UNC5B: variants seen among roughly 807,000 people sequenced by gnomAD.
UNC5B encodes the protein unc-5 netrin receptor B.
Under a neutral mutation model 103.7 loss-of-function variants are expected in UNC5B, and 56 were observed. The observed-to-expected ratio is 0.54, with a 90% CI of 0.44 to 0.67. UNC5B has a LOEUF of 0.67. UNC5B is among the 30% of genes least tolerant of loss of function. UNC5B has a pLI of 0.00. For missense variants in UNC5B, 1,194 were observed against 1,284.5 expected (o/e 0.93, Z 1.08); for synonymous variants, 577 against 542.0 (o/e 1.06, Z -0.90).
rs777056945 is a variant in UNC5B, at chr10:71,295,899, G to A, written c.2264G>A (p.Arg755His). Residue 755 changes from arginine to histidine, a missense_variant, in exon 14 of 17, where the codon CGC (arginine) becomes CAC (histidine). Arg to His is a conservative substitution (Grantham distance 29, BLOSUM62 0). Coordinates refer to ENST00000335350, the MANE Select transcript of UNC5B (RefSeq NM_170744.5). ...LMFKDSYHNL[R>H]LSLHDLPHAH... ...TTCAAGGACAGTTACCACAACCTGC[G>A]CCTCTCCCTCCATGACCTCCCCCAT... 5 of 1,613,218 alleles carry A rather than the reference G, an allele frequency of 3.1e-6. No individual in the cohort carries two copies. The highest frequency in any genetic ancestry group is 1.9e-4 in the Middle Eastern group (1 of 5,356).
chr10:71,299,527 G>T lies in UNC5B; in HGVS notation c.*250G>T. ...CTCTTGGCCTGAGATCTCTGTGCAGGAACCAAGATGGGGCTGAAGCCTCTG... is the reference window on the plus strand; with the variant it reads ...CTCTTGGCCTGAGATCTCTGTGCAGTAACCAAGATGGGGCTGAAGCCTCTG... On this transcript the variant is annotated 3_prime_UTR_variant, in exon 17 of 17. Coordinates refer to ENST00000335350, the MANE Select transcript of UNC5B (RefSeq NM_170744.5). 2.2e-6 allele frequency: 1 copy of T among 444,640 alleles called. No individual in the cohort carries two copies. Among genetic ancestry groups the T allele is most frequent in the East Asian group, 3.9e-5 (1 of 25,618 alleles). The allele number at this position is 444,640 out of a possible 1,614,324, so 27.5% of individuals were successfully genotyped here. A position where few individuals can be genotyped will look rare whatever the true frequency, so the allele number is the denominator to read the frequency against.
intron 1 of UNC5B, among the ~76,000 whole-genome samples, chr10:71,227,621 C>CAT (rs1405851915): frequency 7.3e-6 from 1 of 136,940 alleles, no homozygotes; most frequent in African/African-American, 3.1e-5. Context: ...CATATATATA[C>CAT]ATATATACAT....
Position 71,293,963 on chromosome 10 carries a change from C to T in UNC5B, c.2175+30C>T, listed in dbSNP as rs369226601. 1.8e-5 allele frequency: 28 copies of T among 1,542,510 alleles called. No homozygotes were observed. The African/African-American group carries it at 3.1e-4, about 17-fold the overall frequency. On this transcript the variant is annotated intron_variant, in intron 13 of 16. Coordinates refer to ENST00000335350, the MANE Select transcript of UNC5B (RefSeq NM_170744.5). The stretch of plus-strand genomic sequence containing the variant: ...GGCCAGCTGCAGGTGCCCACACAGC[C>T]CTGGCCGGCCAGCTGCATGATCCCT...
intron 1 of UNC5B, among the ~76,000 whole-genome samples, chr10:71,253,107 T>C (rs756832714): frequency 3.9e-5 from 6 of 152,152 alleles, no homozygotes; most frequent in Non-Finnish European, 8.8e-5. Context: ...CTCCCCTCAT[T>C]TCCACACTTC....
intron 1 of UNC5B, among the ~76,000 whole-genome samples, chr10:71,236,033 G>T (rs1843768977): frequency 6.6e-6 from 1 of 152,248 alleles, no homozygotes; most frequent in South Asian, 2.1e-4. Context: ...CCATCTCTGG[G>T]TCTCACTCGT....
chr10:71,281,814 A>T (rs983127972), intron 2 of UNC5B, among the ~76,000 whole-genome samples: 3 of 152,230 alleles, frequency 2.0e-5, no homozygotes, highest in Non-Finnish European at 4.4e-5. Flanking sequence ...TGGCGTACAC[A>T]TAGCACAGAA....
chr10:71,282,073 C>T (rs1386415223), intron 2 of UNC5B, among the ~76,000 whole-genome samples: 1 of 140,788 alleles, frequency 7.1e-6, no homozygotes, highest in Non-Finnish European at 1.5e-5. Flanking sequence ...ACAGCATGGC[C>T]CTTACCAAAA....
At chr10:71,252,894 G>A (rs553011701) in intron 1 of UNC5B, among the ~76,000 whole-genome samples, 4 of 152,248 alleles carry the variant, frequency 2.6e-5, no homozygotes, top group Admixed American at 1.3e-4. Context: ...GAGAGTAGAC[G>A]GTGGATGGGG....
chr10:71,224,044 C>T (rs1235064798), intron 1 of UNC5B, among the ~76,000 whole-genome samples: 1 of 152,208 alleles, frequency 6.6e-6, no homozygotes, highest in Non-Finnish European at 1.5e-5. Flanking sequence ...CAGCAACAAG[C>T]CTGGCCCAGT....
chr10:71,269,009 C>T lies in UNC5B; in HGVS notation c.80-10812C>T, dbSNP rs369584293. On this transcript the variant is annotated intron_variant, in intron 1 of 16. Transcript: ENST00000335350. ...CCAGCTGGCCCTCACCCGTCTGACACGTGTGACCGTGCGGGGGCTGGTGGG... is the reference window on the plus strand; with the variant it reads ...CCAGCTGGCCCTCACCCGTCTGACATGTGTGACCGTGCGGGGGCTGGTGGG... Among the ~76,000 whole-genome samples the T allele has an allele frequency of 3.9e-5, 6 of 152,310 alleles. No individual in the cohort carries two copies. The East Asian group carries it at 7.7e-4, about 20-fold the overall frequency.
intron 1 of UNC5B, among the ~76,000 whole-genome samples, chr10:71,257,492 G>A (rs1389237740): frequency 6.6e-6 from 1 of 152,206 alleles, no homozygotes; most frequent in Non-Finnish European, 1.5e-5. Context: ...TCCCATCTGT[G>A]AAATGGGCTC....
At chr10:71,296,554 G>T in intron 14 of UNC5B, 24 bp from the exon 15 acceptor site, 2 of 1,611,946 alleles carry the variant, frequency 1.2e-6, no homozygotes, top group Non-Finnish European at 1.7e-6. Flanking sequence ...TTGCCTGCCT[G>T]GTCCTGACCC....
At chr10:71,241,617 G>A (rs1051092608) in intron 1 of UNC5B, among the ~76,000 whole-genome samples, 3 of 152,010 alleles carry the variant, frequency 2.0e-5, no homozygotes, top group African/African-American at 7.3e-5. Flanking sequence ...AGCTGTACTT[G>A]AACAATAACA....
At position 71,293,453 on chromosome 10, in the gene UNC5B, T is replaced by C; in HGVS notation, c.1821T>C (p.Cys607=). 6.2e-7 allele frequency: 1 copy of C among 1,614,098 alleles called. No individual in the cohort carries two copies. Among genetic ancestry groups the C allele is most frequent in the East Asian group, 2.2e-5 (1 of 44,880 alleles). ...TQTVLSPSVT[C]GPTGLLLCRP... ...CAGTATTGAGCCCCTCGGTGACCTGTGGACCCACAGGCCTCCTGCTGTGCC... is the reference window on the plus strand; with the variant it reads ...CAGTATTGAGCCCCTCGGTGACCTGCGGACCCACAGGCCTCCTGCTGTGCC... The change falls in exon 12 of 17, where the codon TGT becomes TGC. Residue 607 remains cysteine (C), a synonymous_variant. Transcript: ENST00000335350.
At chr10:71,256,914 AGT>A (rs938829100) in intron 1 of UNC5B, among the ~76,000 whole-genome samples, 4 of 152,146 alleles carry the variant, frequency 2.6e-5, no homozygotes, top group African/African-American at 9.7e-5. Flanking sequence ...GCCGGTGTGG[AGT>A]GGAGAGGAAG....
At position 71,248,865 on chromosome 10, in the gene UNC5B, T is replaced by A. The variant is rs866304930; in HGVS notation, c.80-30956T>A. On this transcript the variant is annotated intron_variant, in intron 1 of 16. Coordinates refer to ENST00000335350, the MANE Select transcript of UNC5B (RefSeq NM_170744.5). The stretch of plus-strand genomic sequence containing the variant: ...CTCTCTCTGTCTCTCTCTCTCTCTC[T>A]CTCACACACACACACACACACACAC... Among the ~76,000 whole-genome samples the A allele has an allele frequency of 1.9e-3, 272 of 143,166 alleles. 1 individual carries two copies. Among genetic ancestry groups the A allele is most frequent in the Middle Eastern group, 6.9e-3 (2 of 288 alleles). The allele number at this position is 143,166 out of a possible 152,430, so 93.9% of individuals were successfully genotyped here.
rs1845102753 is a variant in UNC5B, at chr10:71,286,885, A to G, written c.733+16A>G. On this transcript the variant is annotated intron_variant, in intron 5 of 16. Transcript: ENST00000335350. The stretch of plus-strand genomic sequence containing the variant: ...ATCGTCTACGGTGCGGGCCTTTCGG[A>G]GTGGGAGGGGCAGACACGGCCAAGG... The G allele has an allele frequency of 6.2e-7, 1 of 1,610,160 alleles. No homozygotes were observed. The highest frequency in any genetic ancestry group is 1.3e-5 in the African/African-American group (1 of 74,806).
chr10:71,250,032 C>G (rs1337157035), intron 1 of UNC5B, among the ~76,000 whole-genome samples: 1 of 152,232 alleles, frequency 6.6e-6, no homozygotes, highest in Non-Finnish European at 1.5e-5. Flanking sequence ...GTGCCCATCT[C>G]TGTGCCTCTT....
At chr10:71,226,222 C>A (rs564821552) in intron 1 of UNC5B, among the ~76,000 whole-genome samples, 17 of 152,024 alleles carry the variant, frequency 1.1e-4, no homozygotes, top group African/African-American at 4.1e-4. Flanking sequence ...TTACAGGCGC[C>A]CGCCACCACA....
Sources: gnomAD v4.1 joint callset for allele counts (sites outside exome capture counted in the v4.1 genomes callset) on GRCh38, gnomAD v4.1.1 for gene constraint, MANE v1.5 for transcripts, NCBI Gene and HGNC (gene_info 2026-07-23, HGNC 2026-07-21) for gene names.